ATP2B2: variants seen among roughly 807,000 people sequenced by gnomAD.
ATP2B2 encodes plasma membrane calcium-transporting ATPase 2.
Under a neutral mutation model 120.0 loss-of-function variants are expected in ATP2B2, and 15 were observed. That is an observed-to-expected ratio of 0.12 (90% CI 0.08 to 0.19). The LOEUF is 0.19. Ranked by LOEUF, ATP2B2 falls within the 10% of genes least tolerant of loss-of-function variation. The probability of loss-of-function intolerance (pLI) is 1.00; values close to 1 mark genes in which losing one functional copy is unlikely to be tolerated. For synonymous variants in ATP2B2, 694 were observed against 700.3 expected, an observed-to-expected ratio of 0.99 and a Z score of 0.14; for missense variants, 1,045 against 1,719.8, an observed-to-expected ratio of 0.61 and a Z score of 6.94.
chr3:10,666,401 T>C (rs190288147), intron 1 of ATP2B2, among the ~76,000 whole-genome samples: 52 of 152,334 alleles, frequency 3.4e-4, no homozygotes, highest in Admixed American at 2.8e-3. Flanking sequence ...TGTCTCTCTC[T>C]ACAACACTGT....
chr3:10,603,971 G>C (rs1237915551), intron 2 of ATP2B2, among the ~76,000 whole-genome samples: 1 of 152,082 alleles, frequency 6.6e-6, no homozygotes, highest in Non-Finnish European at 1.5e-5. Context: ...TGTTTGACTG[G>C]GTGGCAGGTC....
At chr3:10,417,757 T>C (rs2062838609) in intron 2 of ATP2B2, among the ~76,000 whole-genome samples, 1 of 151,958 alleles carries the variant, frequency 6.6e-6, no homozygotes, top group Non-Finnish European at 1.5e-5. Context: ...AGAAGTGTAG[T>C]TGTAATTGGG....
At chr3:10,528,438 C>G (rs142568306) in intron 3 of ATP2B2, among the ~76,000 whole-genome samples, 275 of 152,268 alleles carry the variant, frequency 1.8e-3, no homozygotes, top group African/African-American at 6.4e-3. Flanking sequence ...CCATGACACT[C>G]CTTGCTTGTG....
Position 10,326,081 on chromosome 3 carries a change from G to A in ATP2B2, c.*2733C>T, listed in dbSNP as rs773160018. 4.6e-5 allele frequency: 3 copies of A among 65,452 alleles called. No homozygotes were observed. Among genetic ancestry groups the A allele is most frequent in the Non-Finnish European group, 8.9e-5 (3 of 33,722 alleles). 4.1% of individuals were successfully genotyped at this position (65,452 alleles called of 1,614,324 possible). Reference sequence around the variant, plus strand: ...TGCATAGTATTAAATGAACAGAGATGGTGAGTTCTTTATTTACATTATTGT... The same window carrying A: ...TGCATAGTATTAAATGAACAGAGATAGTGAGTTCTTTATTTACATTATTGT... On this transcript the variant is annotated 3_prime_UTR_variant, in exon 23 of 23. Coordinates refer to ENST00000360273, the MANE Select transcript of ATP2B2 (RefSeq NM_001001331.4).
intron 2 of ATP2B2, among the ~76,000 whole-genome samples, chr3:10,413,660 G>A (rs779848818): frequency 5.9e-5 from 9 of 152,324 alleles, no homozygotes; most frequent in Non-Finnish European, 1.0e-4. Flanking sequence ...ACTGTAGCAC[G>A]ATTCCAGGAA....
At chr3:10,397,145 A>G (rs997727082) in intron 5 of ATP2B2, among the ~76,000 whole-genome samples, 3 of 152,238 alleles carry the variant, frequency 2.0e-5, no homozygotes, top group Admixed American at 1.3e-4. Flanking sequence ...CACTCTGCTC[A>G]GCTTCTCCCC....
intron 8 of ATP2B2, among the ~76,000 whole-genome samples, chr3:10,382,507 C>A (rs564084330): frequency 1.4e-5 from 2 of 146,118 alleles, no homozygotes; most frequent in Non-Finnish European, 3.0e-5. Flanking sequence ...CTACCATGAC[C>A]GGCTAATTTT....
chr3:10,558,685 CTTAACCCAGTTTGAGA>C (rs1354163495), intron 2 of ATP2B2, among the ~76,000 whole-genome samples: 1 of 152,202 alleles, frequency 6.6e-6, no homozygotes, highest in Non-Finnish European at 1.5e-5. Flanking sequence ...CCCCTTTGTG[CTTAACCCAGTTTGAGA>C]TGCATTTGAG....
chr3:10,488,232 CCTATCCAT>C (rs762270352), intron 1 of ATP2B2, among the ~76,000 whole-genome samples: 8,682 of 94,760 alleles, frequency 0.092, 674 homozygotes, highest in East Asian at 0.39. Flanking sequence ...CACTCATCCA[CCTATCCAT>C]CCATCCATCC....
intron 14 of ATP2B2, among the ~76,000 whole-genome samples, chr3:10,353,228 A>T (rs929532036): frequency 6.6e-6 from 1 of 152,188 alleles, no homozygotes; most frequent in Admixed American, 6.5e-5. Flanking sequence ...GCTGCTGAGT[A>T]TAAGGGGGTT....
intron 22 of ATP2B2, chr3:10,336,417 TAAATC>T (rs2060119363): frequency 1.9e-6 from 2 of 1,071,092 alleles, no homozygotes; most frequent in African/African-American, 1.6e-5. Flanking sequence ...CAATGTCACT[TAAATC>T]AAAACAAAAA....
At chr3:10,453,912 T>TCATC (rs1028440122) in intron 1 of ATP2B2, among the ~76,000 whole-genome samples, 1 of 148,272 alleles carries the variant, frequency 6.7e-6, no homozygotes, top group African/African-American at 2.5e-5. Context: ...TTCCATTCAT[T>TCATC]CATCCATCCA....
intron 2 of ATP2B2, among the ~76,000 whole-genome samples, chr3:10,562,522 C>G (rs1174293332): frequency 1.3e-5 from 2 of 152,184 alleles, no homozygotes; most frequent in Non-Finnish European, 2.9e-5. Flanking sequence ...GCAACAGCAG[C>G]TGGATATCTG....
intron 1 of ATP2B2, among the ~76,000 whole-genome samples, chr3:10,681,465 T>C (rs1472631486): frequency 1.3e-5 from 2 of 152,228 alleles, no homozygotes; most frequent in African/African-American, 4.8e-5. Context: ...ATTTCAAATA[T>C]GAGGGGCTTC....
chr3:10,601,450 C>A (rs1262299745), intron 2 of ATP2B2, among the ~76,000 whole-genome samples: 1 of 152,170 alleles, frequency 6.6e-6, no homozygotes. Flanking sequence ...TCTGGCCTGG[C>A]TGTGCCCCAG....
At chr3:10,437,447 G>A (rs1302390825) in intron 2 of ATP2B2, among the ~76,000 whole-genome samples, 1 of 152,192 alleles carries the variant, frequency 6.6e-6, no homozygotes, top group Non-Finnish European at 1.5e-5. Flanking sequence ...AACATAGCTA[G>A]TGGGTGGCAA....
chr3:10,423,987 C>T (rs1316562886), intron 2 of ATP2B2, among the ~76,000 whole-genome samples: 1 of 152,182 alleles, frequency 6.6e-6, no homozygotes, highest in East Asian at 1.9e-4. Context: ...CCCCGCAGTG[C>T]ATCGACAGCA....
At chr3:10,563,851 G>C (rs1156697595) in intron 2 of ATP2B2, among the ~76,000 whole-genome samples, 1 of 152,230 alleles carries the variant, frequency 6.6e-6, no homozygotes, top group East Asian at 1.9e-4. Flanking sequence ...TAAGCAACTT[G>C]TCAAAAACCA....
At chr3:10,411,046 C>T (rs867514161) in intron 2 of ATP2B2, among the ~76,000 whole-genome samples, 2 of 152,264 alleles carry the variant, frequency 1.3e-5, no homozygotes, top group Middle Eastern at 6.8e-3. Context: ...ATCATGATCC[C>T]CGGAACCTGT....
Sources: gnomAD v4.1 joint callset for allele counts (sites outside exome capture counted in the v4.1 genomes callset) on GRCh38, gnomAD v4.1.1 for gene constraint, MANE v1.5 for transcripts, NCBI Gene and HGNC (gene_info 2026-07-23, HGNC 2026-07-21) for gene names.